Variants in AFF3 observed in about 807,000 individuals in gnomAD.
The protein encoded by AFF3 is AF4/FMR2 family member 3.
Under a neutral mutation model 129.7 loss-of-function variants are expected in AFF3, and 32 were observed. That is an observed-to-expected ratio of 0.25 (90% CI 0.19 to 0.33). The LOEUF (loss-of-function observed/expected upper bound fraction) is 0.33, where lower values mean the gene tolerates loss of function less well. AFF3 is among the 10% of genes least tolerant of loss of function. The pLI, the probability that AFF3 is intolerant of heterozygous loss-of-function variation, is 1.00. For missense variants in AFF3, 1,373 were observed against 1,592.0 expected (o/e 0.86, Z 2.34); for synonymous variants, 644 against 635.4 (o/e 1.01, Z -0.20).
At chr2:100,007,062 C>A in intron 6 of AFF3, 45 bp from the exon 7 acceptor site, 1 of 1,587,394 alleles carries the variant, frequency 6.3e-7, no homozygotes, top group Non-Finnish European at 8.6e-7. Context: ...TGAGGGGGGT[C>A]GACACATAGG....
chr2:99,601,944 T>C (rs1174947474), intron 13 of AFF3, among the ~76,000 whole-genome samples: 2 of 152,200 alleles, frequency 1.3e-5, no homozygotes, highest in Non-Finnish European at 2.9e-5. Flanking sequence ...GTTCTGGGAA[T>C]GGCTTTTCAA....
intron 4 of AFF3, among the ~76,000 whole-genome samples, chr2:100,048,122 C>T (rs1008266673): frequency 6.6e-6 from 1 of 152,164 alleles, no homozygotes; most frequent in Non-Finnish European, 1.5e-5. Flanking sequence ...ATTACATAAA[C>T]ATGACATATT....
intron 20 of AFF3, among the ~76,000 whole-genome samples, chr2:99,564,142 T>C (rs145369998): frequency 6.6e-6 from 1 of 152,326 alleles, no homozygotes; most frequent in Non-Finnish European, 1.5e-5. Flanking sequence ...TCCTTAATTG[T>C]TTATTAAGCA....
chr2:99,702,688 CTTA>C (rs1676980370), intron 11 of AFF3, among the ~76,000 whole-genome samples: 2 of 152,300 alleles, frequency 1.3e-5, no homozygotes, highest in South Asian at 4.1e-4. Context: ...TTTTCATGTG[CTTA>C]TTTGCCATCT....
Position 99,593,489 on chromosome 2 carries a change from G to T in AFF3, c.2172C>A (p.Gly724=). 1 of 1,613,722 alleles carries T rather than the reference G, an allele frequency of 6.2e-7. No homozygotes were observed. The change falls in exon 15 of 25, where the codon GGC becomes GGA. Residue 724 remains glycine (G), a synonymous_variant. Coordinates refer to ENST00000672756, the MANE Select transcript of AFF3 (RefSeq NM_001386135.1). ...NGGSGPRAPV[G]SINARTTSDI... is the part of the protein sequence containing the mutation. ...CACTGGTGGTCCTGGCGTTGATGGA[G>T]CCTACAGGGGCCCTAGGACCACTGC...
chr2:100,013,321 C>T (rs1375587801), intron 4 of AFF3, among the ~76,000 whole-genome samples: 4 of 152,170 alleles, frequency 2.6e-5, no homozygotes, highest in African/African-American at 9.7e-5. Context: ...TCTATGAGCC[C>T]GATGGCTTTT....
chr2:99,777,242 T>G (rs1683976287), intron 8 of AFF3, among the ~76,000 whole-genome samples: 1 of 152,130 alleles, frequency 6.6e-6, no homozygotes, highest in Non-Finnish European at 1.5e-5. Context: ...TTTACCTGAT[T>G]CCTTCCCAGG....
At chr2:100,080,653 C>T (rs1211233092) in intron 4 of AFF3, among the ~76,000 whole-genome samples, 1 of 152,016 alleles carries the variant, frequency 6.6e-6, no homozygotes, top group African/African-American at 2.4e-5. Context: ...CAGGCATGAA[C>T]CAAGCACTAA....
At chr2:99,639,089 T>C (rs1371800034) in intron 13 of AFF3, among the ~76,000 whole-genome samples, 1 of 152,202 alleles carries the variant, frequency 6.6e-6, no homozygotes, top group Non-Finnish European at 1.5e-5. Context: ...CACTAAACCA[T>C]CTTAAAGGGC....
At chr2:99,554,798 G>A (rs901211431) in intron 22 of AFF3, 66 bp from the exon 23 acceptor site, 14 of 1,570,444 alleles carry the variant, frequency 8.9e-6, no homozygotes, top group Non-Finnish European at 1.2e-5. Context: ...TGACATGAAC[G>A]TGTTTTCAGG....
chr2:99,622,429 T>A (rs913448475), intron 13 of AFF3, among the ~76,000 whole-genome samples: 1 of 152,212 alleles, frequency 6.6e-6, no homozygotes, highest in South Asian at 2.1e-4. Context: ...GGTTGTTTTA[T>A]GGGCAGGCTG....
intron 12 of AFF3, among the ~76,000 whole-genome samples, chr2:99,653,017 C>A (rs1226657138): frequency 6.6e-6 from 1 of 152,174 alleles, no homozygotes; most frequent in African/African-American, 2.4e-5. Flanking sequence ...CTCTCCTGTG[C>A]TCTTCCATGG....
In AFF3 at chr2:99,777,355, C is replaced by T. The variant is rs185888887; in HGVS notation, c.922-25054G>A. On this transcript the variant is annotated intron_variant, in intron 8 of 24. Transcript: ENST00000672756. ...GCTTGATCCTACTTGACTCCAGGCC[C>T]TTCCTGCTGGGCTTTAAGCCAGTTG... is the stretch of plus-strand genomic sequence containing the variant. Among the ~76,000 whole-genome samples, 507 of 152,248 alleles carry T rather than the reference C, an allele frequency of 3.3e-3. 4 individuals are homozygous for T. The highest frequency in any genetic ancestry group is 6.8e-3 in the Middle Eastern group (2 of 294).
intron 4 of AFF3, among the ~76,000 whole-genome samples, chr2:100,072,361 C>G (rs1037524246): frequency 3.9e-5 from 6 of 152,168 alleles, no homozygotes; most frequent in African/African-American, 1.4e-4. Context: ...ACAGTTTCAT[C>G]CTGAAACCAT....
intron 9 of AFF3, among the ~76,000 whole-genome samples, chr2:99,747,064 T>C (rs1033504350): frequency 6.6e-6 from 1 of 152,228 alleles, no homozygotes; most frequent in Non-Finnish European, 1.5e-5. Flanking sequence ...GTTTTGCTCT[T>C]GTTGCCTAGT....
At chr2:99,698,391 G>A (rs1373845628) in intron 11 of AFF3, among the ~76,000 whole-genome samples, 3 of 152,154 alleles carry the variant, frequency 2.0e-5, no homozygotes, top group African/African-American at 7.2e-5. Flanking sequence ...GGGGTGCTGG[G>A]GGGCTGTAGC....
intron 4 of AFF3, among the ~76,000 whole-genome samples, chr2:100,085,894 T>C (rs1025527874): frequency 6.6e-6 from 1 of 151,840 alleles, no homozygotes; most frequent in African/African-American, 2.4e-5. Context: ...CTCAATAAAC[T>C]TGTGACTCGT....
intron 12 of AFF3, among the ~76,000 whole-genome samples, chr2:99,654,552 A>G (rs957026585): frequency 2.6e-5 from 4 of 152,234 alleles, no homozygotes; most frequent in Admixed American, 1.3e-4. Context: ...TGAATTGCCC[A>G]ATTTCATTCC....
At position 99,546,461 on chromosome 2, in the gene AFF3, T is replaced by C. The variant is rs983486483; in HGVS notation, c.*5013A>G. On this transcript the variant is annotated 3_prime_UTR_variant, in exon 25 of 25. Transcript: ENST00000672756. ...CAAACCCTTTCTGCATTTTTCTCTC[T>C]AGACACGAGTGAGTTATGTCAGATG... 1.3e-5 allele frequency: 3 copies of C among 232,816 alleles called. No homozygotes were observed. The highest frequency in any genetic ancestry group is 2.2e-5 in the African/African-American group (1 of 45,304). 14.4% of individuals were successfully genotyped at this position (232,816 alleles called of 1,614,324 possible). A position where few individuals can be genotyped will look rare whatever the true frequency, so the allele number is the denominator to read the frequency against.
Sources: allele counts gnomAD v4.1 joint callset (sites outside exome capture counted in the v4.1 genomes callset), GRCh38; gene constraint gnomAD v4.1.1; transcripts MANE v1.5; gene names NCBI Gene and HGNC (gene_info 2026-07-23, HGNC 2026-07-21).